The following FANK1 variants were observed in gnomAD, a reference collection of about 807,000 sequenced individuals.
The protein encoded by FANK1 is fibronectin type 3 and ankyrin repeat domains protein 1.
Under a neutral mutation model 45.3 loss-of-function variants are expected in FANK1, and 44 were observed. The observed-to-expected ratio is 0.97, with a 90% CI of 0.76 to 1.25. The LOEUF (loss-of-function observed/expected upper bound fraction) is 1.25. Ranked by LOEUF, FANK1 falls within the 50% of genes most tolerant of loss-of-function variation. The pLI is 0.00. For synonymous variants in FANK1, 149 were observed against 152.5 expected, an observed-to-expected ratio of 0.98 and a Z score of 0.17; for missense variants, 391 against 424.4, an observed-to-expected ratio of 0.92 and a Z score of 0.69.
In FANK1 at chr10:125,984,747, A is replaced by C. The variant is rs540109878; in HGVS notation, c.192-3804A>C. On this transcript the variant is annotated intron_variant, in intron 2 of 10. Coordinates refer to ENST00000368693, the MANE Select transcript of FANK1 (RefSeq NM_145235.5). Reference sequence around the variant, plus strand: ...CTTTTCAATATTTATTTAGCTTCTTATGTTTCATATTTGCTCAGCTCTTGC... The same window carrying C: ...CTTTTCAATATTTATTTAGCTTCTTCTGTTTCATATTTGCTCAGCTCTTGC... 1.2e-4 allele frequency among the ~76,000 whole-genome samples: 19 copies of C among 152,276 alleles called. No individual in the cohort carries two copies. The East Asian group carries it at 2.7e-3, about 22-fold the overall frequency.
At position 125,915,202 on chromosome 10, in the gene FANK1, C is replaced by T. The variant is rs144563909; in HGVS notation, c.13+18547C>T. Among the ~76,000 whole-genome samples the T allele has an allele frequency of 4.6e-3, 704 of 152,234 alleles. 3 individuals carry two copies. Among genetic ancestry groups the T allele is most frequent in the African/African-American group, 0.016 (649 of 41,524 alleles). On this transcript the variant is annotated intron_variant, in intron 1 of 10. Transcript: ENST00000368693. ...CTTTGAGAAGCATGGCGTTAACTCA[C>T]CTGTGCATGTTACATTTGTTAAAGG...
intron 1 of FANK1, among the ~76,000 whole-genome samples, chr10:125,931,809 A>G (rs1947771349): frequency 1.3e-5 from 2 of 152,154 alleles, no homozygotes; most frequent in African/African-American, 4.8e-5. Context: ...GGGTTTTCCA[A>G]TGTTATCTTC....
intron 1 of FANK1, among the ~76,000 whole-genome samples, chr10:125,906,185 T>C (rs1403294947): frequency 2.0e-5 from 3 of 152,026 alleles, no homozygotes; most frequent in Non-Finnish European, 4.4e-5. Context: ...AATGAGTCTT[T>C]CCCTCATTTG....
chr10:125,970,169 C>G (rs1950409824), intron 1 of FANK1, among the ~76,000 whole-genome samples: 1 of 152,202 alleles, frequency 6.6e-6, no homozygotes, highest in Non-Finnish European at 1.5e-5. Flanking sequence ...GGCGGCCGGG[C>G]AGAGGGGCTT....
intron 1 of FANK1, among the ~76,000 whole-genome samples, chr10:125,910,106 G>A (rs1230028644): frequency 6.6e-6 from 1 of 151,780 alleles, no homozygotes. Flanking sequence ...TAAAGTTCAT[G>A]TCTGATAATT....
rs971949130 is a variant in FANK1, at chr10:125,983,840, G to T, written c.191+3502G>T. On this transcript the variant is annotated intron_variant, in intron 2 of 10. Coordinates refer to ENST00000368693, the MANE Select transcript of FANK1 (RefSeq NM_145235.5). The surrounding 1 kb of genome is among the most constrained non-coding windows in gnomAD (Gnocchi z 4.3). The stretch of plus-strand genomic sequence containing the variant: ...AGATTGTGAAGCTGAGAAGAGGTGT[G>T]ATCCGGCTTATGTTTTACGAGGATC... 3.9e-5 allele frequency among the ~76,000 whole-genome samples: 6 copies of T among 152,094 alleles called. No homozygotes were observed. Among genetic ancestry groups the T allele is most frequent in the Non-Finnish European group, 7.3e-5 (5 of 68,030 alleles).
intron 1 of FANK1, among the ~76,000 whole-genome samples, chr10:125,943,851 A>T (rs1277666904): frequency 6.6e-6 from 1 of 152,266 alleles, no homozygotes; most frequent in Admixed American, 6.5e-5. Flanking sequence ...AATCTGAAGT[A>T]GTCAGCAACT....
chr10:125,971,900 T>G (rs550007837), intron 1 of FANK1, among the ~76,000 whole-genome samples: 1 of 152,182 alleles, frequency 6.6e-6, no homozygotes, highest in African/African-American at 2.4e-5. Context: ...GTGCTGGGAT[T>G]ACAGGTGTGA....
In FANK1 at chr10:126,003,782, T is replaced by C. The variant is rs1267331248; in HGVS notation, c.540-1102T>C. Among the ~76,000 whole-genome samples, 6 of 152,200 alleles carry C rather than the reference T, an allele frequency of 3.9e-5. No individual in the cohort carries two copies. In the South Asian group the frequency reaches 6.2e-4, roughly 16 times the overall value. On this transcript the variant is annotated intron_variant, in intron 6 of 10. Coordinates refer to ENST00000368693, the MANE Select transcript of FANK1 (RefSeq NM_145235.5). ...CCTCCGCCTCCTGGGTTCAAGTGAT[T>C]CTCCTGCCTCAGCCTCCTGAGTAGC...
intron 1 of FANK1, chr10:125,972,973 T>C (rs1950616484): frequency 6.5e-6 from 1 of 152,938 alleles, no homozygotes; most frequent in South Asian, 2.1e-4. Flanking sequence ...TTTTCCGGGC[T>C]CTGTACCAGA....
chr10:125,943,023 A>G (rs1336611911), intron 1 of FANK1, among the ~76,000 whole-genome samples: 2 of 152,136 alleles, frequency 1.3e-5, no homozygotes, highest in African/African-American at 4.8e-5. Context: ...CATATTGGCC[A>G]GGCTGGTCTC....
chr10:125,959,438 C>T (rs935882097), intron 1 of FANK1, among the ~76,000 whole-genome samples: 6 of 85,742 alleles, frequency 7.0e-5, no homozygotes, highest in Non-Finnish European at 1.6e-4. Context: ...AAAAAAGATA[C>T]GAAATAATGT....
At chr10:125,963,755 A>AG (rs1457840272) in intron 1 of FANK1, among the ~76,000 whole-genome samples, 1 of 152,080 alleles carries the variant, frequency 6.6e-6, no homozygotes, top group East Asian at 1.9e-4. Flanking sequence ...GGGTGTGGGT[A>AG]GGGGGGAGGG....
rs73370535 is a variant in FANK1, at chr10:125,985,839, G to A, written c.192-2712G>A. Among the ~76,000 whole-genome samples, 746 of 152,344 alleles carry A rather than the reference G, an allele frequency of 4.9e-3. 7 individuals are homozygous for A. The highest frequency in any genetic ancestry group is 0.016 in the African/African-American group (680 of 41,584). On this transcript the variant is annotated intron_variant, in intron 2 of 10. Coordinates refer to ENST00000368693, the MANE Select transcript of FANK1 (RefSeq NM_145235.5). ...TGTGATGCATCAGCTGGGATGGCCA[G>A]GACAGCAGGAGACTGGCTGGGCTTT...
intron 1 of FANK1, among the ~76,000 whole-genome samples, chr10:125,909,539 G>T (rs1945818596): frequency 6.7e-6 from 1 of 149,532 alleles, no homozygotes. Flanking sequence ...TTTTGAGACA[G>T]GGTCTTACTG....
chr10:125,923,903 T>G (rs563405709), intron 1 of FANK1, among the ~76,000 whole-genome samples: 1 of 152,358 alleles, frequency 6.6e-6, no homozygotes, highest in South Asian at 2.1e-4. Flanking sequence ...TTTTGACTGC[T>G]TTTTCTTGAC....
chr10:125,979,610 T>A (rs1019825423), intron 1 of FANK1, among the ~76,000 whole-genome samples: 1 of 152,238 alleles, frequency 6.6e-6, no homozygotes, highest in Non-Finnish European at 1.5e-5. Flanking sequence ...CACTAGGGGA[T>A]GATATGAGCA....
In FANK1 at chr10:125,919,195, A is replaced by ATTTTTTTTTTTTTTTTTTTT. The variant is rs142716284; in HGVS notation, c.13+22549_13+22568dup. ...AGTAAAATACTTCCAGGAGGTAAGA[A>ATTTTTTTTTTTTTTTTTTTT]TTTTTTTTTTTTTTTTTTTTTTTTT... On this transcript the variant is annotated intron_variant, in intron 1 of 10. Transcript: ENST00000368693. Among the ~76,000 whole-genome samples, 419 of 51,876 alleles carry ATTTTTTTTTTTTTTTTTTTT rather than the reference A, an allele frequency of 8.1e-3. 70 individuals are homozygous for ATTTTTTTTTTTTTTTTTTTT. The highest frequency in any genetic ancestry group is 0.015 in the East Asian group (22 of 1,494). The allele number at this position is 51,876 out of a possible 152,430, so 34.0% of individuals were successfully genotyped here. A position where few individuals can be genotyped will look rare whatever the true frequency, so the allele number is the denominator to read the frequency against.
intron 1 of FANK1, among the ~76,000 whole-genome samples, chr10:125,977,451 C>T (rs975031500): frequency 3.9e-5 from 6 of 152,144 alleles, no homozygotes; most frequent in African/African-American, 1.2e-4. Context: ...GGTTGCGTGG[C>T]TCCCCTGTTT....
Sources: allele counts gnomAD v4.1 joint callset (sites outside exome capture counted in the v4.1 genomes callset), GRCh38; gene constraint gnomAD v4.1.1; non-coding constraint Gnocchi (gnomAD v3.1); transcripts MANE v1.5; gene names NCBI Gene and HGNC (gene_info 2026-07-23, HGNC 2026-07-21).